SLC35F4: variants seen among roughly 807,000 people sequenced by gnomAD.
SLC35F4 encodes the protein chromosome 14 open reading frame 36.
A neutral mutation model predicts 44.2 loss-of-function variants in SLC35F4; 24 were observed. That is an observed-to-expected ratio of 0.54 (90% confidence interval 0.39 to 0.76). SLC35F4 has a LOEUF of 0.76. Ranked by LOEUF, SLC35F4 falls within the 30% of genes least tolerant of loss-of-function variation. The pLI is 0.00. For synonymous variants in SLC35F4, 238 were observed against 223.6 expected (o/e 1.06, Z -0.57); for missense variants, 562 against 586.1 (o/e 0.96, Z 0.42).
At chr14:57,580,093 C>T (rs2069136247) in intron 4 of SLC35F4, among the ~76,000 whole-genome samples, 1 of 152,172 alleles carries the variant, frequency 6.6e-6, no homozygotes, top group African/African-American at 2.4e-5. Flanking sequence ...GTATCATGGA[C>T]TGACTCACAG....
At chr14:57,791,487 C>T (rs565596061) in intron 1 of SLC35F4, among the ~76,000 whole-genome samples, 1 of 152,226 alleles carries the variant, frequency 6.6e-6, no homozygotes, top group African/African-American at 2.4e-5. Context: ...ACAACAGATG[C>T]TGGAGAGGAT....
Position 57,593,117 on chromosome 14 carries a change from T to C in SLC35F4, c.289+822A>G, listed in dbSNP as rs574767664. ...GGTAAACAAAAGCACAGAGACATTC[T>C]GAGGTAGAGGAATGCATTTGTAAGC... On this transcript the variant is annotated intron_variant, in intron 2 of 7. Coordinates refer to ENST00000556826, the MANE Select transcript of SLC35F4 (RefSeq NM_001306087.2). Among the ~76,000 whole-genome samples the C allele has an allele frequency of 2.0e-5, 3 of 152,312 alleles. No homozygotes were observed. In the East Asian group the frequency reaches 5.8e-4, roughly 29 times the overall value.
intron 1 of SLC35F4, among the ~76,000 whole-genome samples, chr14:57,798,703 G>GTT: frequency 6.6e-6 from 1 of 152,186 alleles, no homozygotes; most frequent in African/African-American, 2.4e-5. Flanking sequence ...TAGGAAATGT[G>GTT]CACATATCTG....
chr14:57,808,160 T>C (rs1471683036), intron 1 of SLC35F4, among the ~76,000 whole-genome samples: 1 of 151,890 alleles, frequency 6.6e-6, no homozygotes, highest in Admixed American at 6.6e-5. Flanking sequence ...GGCACAATTA[T>C]AAATGCTTTA....
chr14:57,930,066 G>T (rs1889666192), intron 1 of SLC35F4, among the ~76,000 whole-genome samples: 1 of 152,148 alleles, frequency 6.6e-6, no homozygotes, highest in Non-Finnish European at 1.5e-5. Flanking sequence ...CCAAGATGGT[G>T]GTGTTAGCAA....
intron 4 of SLC35F4, among the ~76,000 whole-genome samples, chr14:57,578,244 A>G (rs537488766): frequency 6.7e-6 from 1 of 149,318 alleles, no homozygotes; most frequent in South Asian, 2.1e-4. Context: ...TCCAACAAAC[A>G]TCTGTTTCTA....
intron 1 of SLC35F4, chr14:57,596,837 C>T: frequency 7.3e-7 from 1 of 1,367,662 alleles, no homozygotes; most frequent in Non-Finnish European, 9.8e-7. Context: ...AGCCCATTGC[C>T]TGCTGCCAGC....
chr14:57,761,787 CAGG>C (rs2077131159), intron 1 of SLC35F4, among the ~76,000 whole-genome samples: 1 of 152,032 alleles, frequency 6.6e-6, no homozygotes, highest in Non-Finnish European at 1.5e-5. Context: ...ACTATTTTAG[CAGG>C]AGAATACAAT....
At chr14:57,709,149 G>A (rs2075754136) in intron 1 of SLC35F4, among the ~76,000 whole-genome samples, 2 of 152,082 alleles carry the variant, frequency 1.3e-5, no homozygotes, top group Admixed American at 6.5e-5. Flanking sequence ...GAGGAGTAGA[G>A]TCTTCTCTAG....
chr14:57,862,606 A>T (rs1887775994), intron 1 of SLC35F4, among the ~76,000 whole-genome samples: 1 of 152,124 alleles, frequency 6.6e-6, no homozygotes, highest in Non-Finnish European at 1.5e-5. Context: ...TCTACCTCAG[A>T]TCTTTGCGCT....
At chr14:57,645,653 C>A (rs995887758) in intron 1 of SLC35F4, among the ~76,000 whole-genome samples, 7 of 151,240 alleles carry the variant, frequency 4.6e-5, no homozygotes, top group African/African-American at 1.7e-4. Flanking sequence ...GAACTTCCAA[C>A]ACTATGTTGA....
chr14:57,700,673 G>T (rs1044383759), intron 1 of SLC35F4, among the ~76,000 whole-genome samples: 1 of 152,034 alleles, frequency 6.6e-6, no homozygotes, highest in African/African-American at 2.4e-5. Flanking sequence ...AGGCTGAGGC[G>T]GGTGGATTGC....
chr14:57,708,139 T>C (rs2075724278), intron 1 of SLC35F4, among the ~76,000 whole-genome samples: 1 of 152,170 alleles, frequency 6.6e-6, no homozygotes, highest in African/African-American at 2.4e-5. Context: ...AGATCAGTGC[T>C]TGAGATATTT....
At chr14:57,743,618 G>A (rs538585974) in intron 1 of SLC35F4, among the ~76,000 whole-genome samples, 170 of 152,222 alleles carry the variant, frequency 1.1e-3, no homozygotes, top group African/African-American at 3.4e-3. Context: ...AGGACCAGAC[G>A]GATTCACAGC....
intron 1 of SLC35F4, among the ~76,000 whole-genome samples, chr14:57,691,651 T>C (rs2075234215): frequency 6.6e-6 from 1 of 152,234 alleles, no homozygotes; most frequent in South Asian, 2.1e-4. Context: ...TCAAAGATGA[T>C]ATTTGTTTAT....
intron 1 of SLC35F4, among the ~76,000 whole-genome samples, chr14:57,594,829 T>C (rs1206242623): frequency 6.6e-6 from 1 of 152,142 alleles, no homozygotes; most frequent in Non-Finnish European, 1.5e-5. Context: ...CTCTATCCGG[T>C]GTTACAGATG....
intron 1 of SLC35F4, among the ~76,000 whole-genome samples, chr14:57,699,903 T>C (rs889358588): frequency 6.6e-6 from 1 of 152,232 alleles, no homozygotes; most frequent in Admixed American, 6.5e-5. Context: ...ATGGGATTTT[T>C]GTGCAAAATT....
intron 1 of SLC35F4, among the ~76,000 whole-genome samples, chr14:57,757,293 T>C (rs1186029789): frequency 2.0e-5 from 3 of 152,178 alleles, no homozygotes; most frequent in Non-Finnish European, 4.4e-5. Context: ...GCTCAAATAT[T>C]TAAAGCAGGT....
chr14:57,633,447 C>T lies in SLC35F4; in HGVS notation c.104-39323G>A, dbSNP rs569649045. On this transcript the variant is annotated intron_variant, in intron 1 of 7. Coordinates refer to ENST00000556826, the MANE Select transcript of SLC35F4 (RefSeq NM_001306087.2). ...TTCTAATAGATAAGTAATGGTATCT[C>T]ATTGCTGTAATTGGTATTTCCCTGA... 2.0e-5 allele frequency among the ~76,000 whole-genome samples: 3 copies of T among 152,238 alleles called. No individual in the cohort carries two copies. In the East Asian group the frequency reaches 5.8e-4, roughly 29 times the overall value.
Sources: allele counts gnomAD v4.1 joint callset (sites outside exome capture counted in the v4.1 genomes callset), GRCh38; gene constraint gnomAD v4.1.1; transcripts MANE v1.5; gene names NCBI Gene and HGNC (gene_info 2026-07-23, HGNC 2026-07-21).